The following SBK1 variants were observed in gnomAD, a reference collection of about 807,000 sequenced individuals.
SBK1 encodes the protein SH3 domain binding kinase 1.
A neutral mutation model predicts 24.4 loss-of-function variants in SBK1; 11 were observed. The ratio of observed to expected loss-of-function variants is 0.45; its 90% CI spans 0.28 to 0.75. The LOEUF (loss-of-function observed/expected upper bound fraction) is 0.75. SBK1 is among the 30% of genes least tolerant of loss of function. The pLI is 0.12. For synonymous variants in SBK1, 308 were observed against 284.4 expected (o/e 1.08, Z -0.83); for missense variants, 467 against 620.5 (o/e 0.75, Z 2.63).
chr16:28,271,120 C>G (rs1396620643), intron 1 of SBK1, among the ~76,000 whole-genome samples: 2 of 152,068 alleles, frequency 1.3e-5, no homozygotes, highest in Admixed American at 6.6e-5. Context: ...GTCTCAGCCT[C>G]CCAAAGTGCT....
At chr16:28,304,887 C>T (rs900078775) in intron 1 of SBK1, among the ~76,000 whole-genome samples, 2 of 151,994 alleles carry the variant, frequency 1.3e-5, no homozygotes, top group African/African-American at 2.4e-5. Flanking sequence ...GGATTACAAG[C>T]GTGAGCCACC....
intron 1 of SBK1, among the ~76,000 whole-genome samples, chr16:28,275,976 A>G (rs1015453311): frequency 6.6e-6 from 1 of 152,224 alleles, no homozygotes; most frequent in African/African-American, 2.4e-5. Flanking sequence ...GGAGTGGGGA[A>G]GAAGGGAACC....
intron 1 of SBK1, among the ~76,000 whole-genome samples, chr16:28,281,044 C>T (rs148989676): frequency 4.5e-4 from 68 of 152,154 alleles, no homozygotes; most frequent in African/African-American, 1.4e-3. Flanking sequence ...GACCCAGTGG[C>T]GACCTTGGTG....
chr16:28,259,517 G>A lies in SBK1; in HGVS notation c.257+15G>A. ...CCATTGCGGAGGTCAGTGCTCGTGG[G>A]TGGCCAGTGGGTGGGCAGCAGGTGG... is the stretch of plus-strand genomic sequence containing the variant. On this transcript the variant is annotated intron_variant, in intron 1 of 3. Coordinates refer to the SBK1 transcript ENST00000671413. The surrounding 1 kb of genome is among the most constrained non-coding windows in gnomAD (Gnocchi z 6.0). 1.1e-6 allele frequency: 1 copy of A among 949,406 alleles called. No individual in the cohort carries two copies. Among genetic ancestry groups the A allele is most frequent in the Non-Finnish European group, 1.3e-6 (1 of 797,016 alleles). The allele number at this position is 949,406 out of a possible 1,614,324, so 58.8% of individuals were successfully genotyped here.
Position 28,320,435 on chromosome 16 carries a change from C to G in SBK1, c.789C>G (p.Phe263Leu). The G allele has an allele frequency of 6.3e-7, 1 of 1,585,298 alleles. No homozygotes were observed. The highest frequency in any genetic ancestry group is 8.5e-7 in the Non-Finnish European group (1 of 1,172,456). Reference sequence around the variant, plus strand: ...CGGCGTCGGGCGCCGACGCCTTCTTCGAGGAGTTCGTGCGCTGGCAGCGGG... The same window carrying G: ...CGGCGTCGGGCGCCGACGCCTTCTTGGAGGAGTTCGTGCGCTGGCAGCGGG... ...WEAASGADAF[F>L]EEFVRWQRGR... Residue 263 changes from phenylalanine to leucine, a missense_variant, in exon 4 of 4, where the codon TTC becomes TTG. Physicochemically the swap from Phe to Leu is conservative, Grantham distance 22. Transcript: ENST00000341901. This position sits in a 1 kb window ranked among gnomAD's most constrained non-coding sequence, Gnocchi z 8.5.
chr16:28,261,097 T>C (rs73529348), intron 1 of SBK1, among the ~76,000 whole-genome samples: 4,419 of 151,942 alleles, frequency 0.029, 202 homozygotes, highest in African/African-American at 0.096. Context: ...CCATAGGCAC[T>C]GGAGCAAGCA....
chr16:28,267,306 C>T (rs531976047), intron 1 of SBK1, among the ~76,000 whole-genome samples: 12 of 152,274 alleles, frequency 7.9e-5, no homozygotes, highest in East Asian at 3.9e-4. Flanking sequence ...GTGATCCTCC[C>T]GCCTCAGTTT....
chr16:28,266,792 A>G (rs182206462), intron 1 of SBK1, among the ~76,000 whole-genome samples: 4 of 150,202 alleles, frequency 2.7e-5, no homozygotes, highest in Admixed American at 6.6e-5. Context: ...CCCAGGCAGA[A>G]GTGCAATGGC....
At chr16:28,309,210 G>C (rs2044737641) in intron 1 of SBK1, among the ~76,000 whole-genome samples, 1 of 152,152 alleles carries the variant, frequency 6.6e-6, no homozygotes, top group Non-Finnish European at 1.5e-5. Context: ...CAGAAGAAGA[G>C]AGTGCAGATA....
chr16:28,301,107 T>G (rs2044675555), intron 1 of SBK1, among the ~76,000 whole-genome samples: 1 of 151,758 alleles, frequency 6.6e-6, no homozygotes, highest in Non-Finnish European at 1.5e-5. Context: ...GCACCTACTG[T>G]GCCCAGCATC....
intron 1 of SBK1, among the ~76,000 whole-genome samples, chr16:28,315,430 G>T (rs540202965): frequency 6.6e-6 from 1 of 152,130 alleles, no homozygotes; most frequent in East Asian, 1.9e-4. Context: ...AGAAATGAAG[G>T]CCACGGATGG....
intron 2 of SBK1, among the ~76,000 whole-genome samples, chr16:28,318,756 C>T (rs772533598): frequency 6.6e-6 from 1 of 152,132 alleles, no homozygotes; most frequent in Non-Finnish European, 1.5e-5. Context: ...CATCACAGGC[C>T]CCCTCGCCCC....
At position 28,323,331 on chromosome 16, in the gene SBK1, A is replaced by G. The variant is rs1364860242; in HGVS notation, c.*2410A>G. The stretch of plus-strand genomic sequence containing the variant: ...CATGAAGACTTAGAAGACAAAAAAA[A>G]AAAAATCACACAAAAAATCTCCCTT... On this transcript the variant is annotated 3_prime_UTR_variant, in exon 4 of 4. Transcript: ENST00000341901. The G allele has an allele frequency of 6.6e-6, 1 of 152,556 alleles. No homozygotes were observed. The highest frequency in any genetic ancestry group is 2.4e-5 in the African/African-American group (1 of 41,370). The allele number at this position is 152,556 out of a possible 1,614,324, so 9.5% of individuals were successfully genotyped here. A position where few individuals can be genotyped will look rare whatever the true frequency, so the allele number is the denominator to read the frequency against.
intron 1 of SBK1, among the ~76,000 whole-genome samples, chr16:28,300,216 A>G (rs1247242075): frequency 6.6e-6 from 1 of 152,206 alleles, no homozygotes; most frequent in Non-Finnish European, 1.5e-5. Context: ...CTCAACAAAT[A>G]CTTATTGAAT....
At chr16:28,260,868 C>G (rs1022716348) in intron 1 of SBK1, among the ~76,000 whole-genome samples, 8 of 152,160 alleles carry the variant, frequency 5.3e-5, no homozygotes, top group African/African-American at 1.9e-4. Context: ...AAACAGACCA[C>G]CTCTGCCCAC....
At chr16:28,272,725 G>A (rs538507479) in intron 1 of SBK1, among the ~76,000 whole-genome samples, 30 of 148,554 alleles carry the variant, frequency 2.0e-4, no homozygotes, top group African/African-American at 7.4e-4. Context: ...AGGTTCAAGC[G>A]ATTCTTCTGC....
chr16:28,280,141 A>ATGTGTGTGTGTGTGTG (rs1407793111), intron 1 of SBK1, among the ~76,000 whole-genome samples: 1 of 58,240 alleles, frequency 1.7e-5, no homozygotes, highest in Non-Finnish European at 4.4e-5. Flanking sequence ...ATATATATAT[A>ATGTGTGTGTGTGTGTG]TATATATATG....
chr16:28,317,578 A>G lies in SBK1; in HGVS notation c.187A>G (p.Thr63Ala). 6.2e-7 allele frequency: 1 copy of G among 1,614,106 alleles called. No homozygotes were observed. The highest frequency in any genetic ancestry group is 8.5e-7 in the Non-Finnish European group (1 of 1,179,990). The change falls in exon 2 of 4, where the codon ACC becomes GCC. Residue 63 changes from threonine (T) to alanine (A), a missense_variant. Coordinates refer to ENST00000341901, the MANE Select transcript of SBK1 (RefSeq NM_001024401.3). The surrounding 1 kb of genome is among the most constrained non-coding windows in gnomAD (Gnocchi z 4.2). ...YELVRELGKG[T>A]YGKVDLVVYK... ...ACTAGTCCGGGAGCTGGGCAAAGGCACCTATGGGAAGGTTGACCTGGTGGT... is the reference window on the plus strand; with the variant it reads ...ACTAGTCCGGGAGCTGGGCAAAGGCGCCTATGGGAAGGTTGACCTGGTGGT...
intron 1 of SBK1, chr16:28,285,723 G>A (rs984754787): frequency 6.6e-6 from 1 of 152,246 alleles, no homozygotes; most frequent in African/African-American, 2.4e-5. Flanking sequence ...ATGTTGCCCA[G>A]GCTGGTATCG....
Sources: gnomAD v4.1 joint callset for allele counts (sites outside exome capture counted in the v4.1 genomes callset) on GRCh38, gnomAD v4.1.1 for gene constraint, Gnocchi (gnomAD v3.1) non-coding constraint, MANE v1.5 for transcripts, NCBI Gene and HGNC (gene_info 2026-07-23, HGNC 2026-07-21) for gene names.